LRRC56: variants seen among roughly 807,000 people sequenced by gnomAD.
LRRC56 encodes leucine-rich repeat-containing protein 56.
A neutral mutation model predicts 47.8 loss-of-function variants in LRRC56; 41 were observed. That is an observed-to-expected ratio of 0.86 (90% confidence interval 0.67 to 1.11). The LOEUF (loss-of-function observed/expected upper bound fraction) is 1.11, where lower values mean the gene tolerates loss of function less well. LRRC56 is among the 50% of genes most tolerant of loss of function. The pLI is 0.00. For synonymous variants in LRRC56, 387 were observed against 311.2 expected, an observed-to-expected ratio of 1.24 and a Z score of -2.56; for missense variants, 759 against 704.2, an observed-to-expected ratio of 1.08 and a Z score of -0.88.
At chr11:553,014 G>A (rs191760258) in intron 13 of LRRC56, among the ~76,000 whole-genome samples, 41 of 152,318 alleles carry the variant, frequency 2.7e-4, no homozygotes, top group African/African-American at 8.7e-4. Flanking sequence ...CAGAAAGAAG[G>A]AGCCACCCCA....
At chr11:511,621 T>C in the LRRC56 span, among the ~76,000 whole-genome samples, 2 of 152,238 alleles carry the variant, frequency 1.3e-5, no homozygotes, top group Admixed American at 6.5e-5. Context: ...GGTCTTGGCT[T>C]TGAGCCTCCA....
At chr11:518,885 G>A in the LRRC56 span, among the ~76,000 whole-genome samples, 4 of 144,996 alleles carry the variant, frequency 2.8e-5, no homozygotes, top group Non-Finnish European at 1.5e-5. Context: ...TCTGCCGGCC[G>A]CTCTGAGGGA....
chr11:539,964 G>T (rs1184866513), intron 3 of LRRC56, among the ~76,000 whole-genome samples: 1 of 152,180 alleles, frequency 6.6e-6, no homozygotes, highest in Admixed American at 6.5e-5. Flanking sequence ...CTTCCTCCTC[G>T]CCAGCTGGGT....
At chr11:533,573 G>A (rs200747280), upstream of LRRC56, 241 of 1,613,764 alleles carry the variant, frequency 1.5e-4, no homozygotes, top group Non-Finnish European at 2.0e-4. Flanking sequence ...CCAGCACCAT[G>A]GGCACGTCAT....
rs750978977 is a variant in LRRC56, at chr11:550,306, T to C, written c.624+34T>C. ...CCCGGGCACCCGGCCAGCATGTGCA[T>C]GGCCAGGAGAGGCTCCCTGTGGCTC... On this transcript the variant is annotated intron_variant, in intron 8 of 13. Coordinates refer to ENST00000270115, the MANE Select transcript of LRRC56 (RefSeq NM_198075.4). 8.8e-6 allele frequency: 13 copies of C among 1,484,694 alleles called. No individual in the cohort carries two copies. In the East Asian group the frequency reaches 2.0e-4, roughly 22 times the overall value. 92.0% of individuals were successfully genotyped at this position (1,484,694 alleles called of 1,614,324 possible).
At chr11:535,991 C>A (rs755802941), upstream of LRRC56, among the ~76,000 whole-genome samples, 1 of 152,134 alleles carries the variant, frequency 6.6e-6, no homozygotes, top group Non-Finnish European at 1.5e-5. Context: ...GGCTGGGATC[C>A]GCCGGGACCA....
upstream of LRRC56, chr11:534,085 A>T: frequency 8.6e-7 from 1 of 1,168,752 alleles, no homozygotes; most frequent in Non-Finnish European, 1.3e-6. Context: ...CCCCTCCTCT[A>T]GAGGAAGCAG....
the LRRC56 span, among the ~76,000 whole-genome samples, chr11:511,332 A>G: frequency 6.6e-6 from 1 of 151,948 alleles, no homozygotes; most frequent in African/African-American, 2.4e-5. Flanking sequence ...AAAAAAAAAA[A>G]AAAAAGAAAT....
At chr11:526,718 C>G in the LRRC56 span, among the ~76,000 whole-genome samples, 5 of 150,336 alleles carry the variant, frequency 3.3e-5, no homozygotes, top group African/African-American at 1.2e-4. Context: ...GGGTGGATCA[C>G]CTGAGGTCAG....
the LRRC56 span, among the ~76,000 whole-genome samples, chr11:518,339 G>C: frequency 6.6e-6 from 1 of 151,920 alleles, no homozygotes; most frequent in East Asian, 1.9e-4. Flanking sequence ...CCGCCACCAC[G>C]CCCAGCTAAT....
the LRRC56 span, among the ~76,000 whole-genome samples, chr11:510,874 A>G: frequency 1.3e-5 from 2 of 152,092 alleles, no homozygotes; most frequent in African/African-American, 2.4e-5. Context: ...ACACCACTGC[A>G]CTCCAGCCTG....
Position 554,177 on chromosome 11 carries a change from TCG to T in LRRC56, c.1531_1532del (p.Arg511SerfsTer16), listed in dbSNP as rs745645072. ...ALEVASRLSP[R>X]AQGCPGPKPA... ...TGGAGGTGGCCTCACGCCTGAGCCC[TCG>T]AGCCCAGGGATGTCCTGGCCCAAAG... On this transcript the variant is annotated frameshift_variant, in exon 14 of 14. Coordinates refer to ENST00000270115, the MANE Select transcript of LRRC56 (RefSeq NM_198075.4). LOFTEE classifies it low-confidence loss of function (END_TRUNC). 9 of 1,577,976 alleles carry T rather than the reference TCG, an allele frequency of 5.7e-6. No individual in the cohort carries two copies. The highest frequency in any genetic ancestry group is 1.3e-5 in the African/African-American group (1 of 74,244).
At chr11:546,083 C>T (rs1388549540) in intron 6 of LRRC56, among the ~76,000 whole-genome samples, 7 of 150,300 alleles carry the variant, frequency 4.7e-5, no homozygotes, top group Admixed American at 1.3e-4. Context: ...CCAGCCTGAC[C>T]AACATGGAGA....
chr11:551,030 G>A, intron 8 of LRRC56, 101 bp from the exon 9 acceptor site: 1 of 690,810 alleles, frequency 1.4e-6, no homozygotes, highest in Non-Finnish European at 2.3e-6. Context: ...CCCCTGCCCT[G>A]CCCCACGGTG....
chr11:536,627 C>T (rs1851506660), upstream of LRRC56, among the ~76,000 whole-genome samples: 1 of 152,152 alleles, frequency 6.6e-6, no homozygotes, highest in African/African-American at 2.4e-5. Context: ...AAAAATTAGT[C>T]GGCTGCAGTG....
chr11:551,924 G>A lies in LRRC56; in HGVS notation c.995G>A (p.Gly332Glu). 1 of 1,612,706 alleles carries A rather than the reference G, an allele frequency of 6.2e-7. No homozygotes were observed. The highest frequency in any genetic ancestry group is 8.5e-7 in the Non-Finnish European group (1 of 1,179,912). Residue 332 changes from glycine (G) to glutamate (E), a missense_variant, in exon 11 of 14, where the codon GGG (glycine) becomes GAG (glutamate). Physicochemically the swap from Gly to Glu is moderately conservative, Grantham distance 98. Coordinates refer to ENST00000270115, the MANE Select transcript of LRRC56 (RefSeq NM_198075.4). ...LTHGAGQVLC[G>E]NPTKGLRERR... ...GCAGGTGCTGGCCAAGTCCTCTGTGGGAACCCCACCAAGGGCCTGCGGGAG... is the reference window on the plus strand; with the variant it reads ...GCAGGTGCTGGCCAAGTCCTCTGTGAGAACCCCACCAAGGGCCTGCGGGAG...
the LRRC56 span, among the ~76,000 whole-genome samples, chr11:507,935 A>G: frequency 6.6e-6 from 1 of 151,968 alleles, no homozygotes; most frequent in African/African-American, 2.4e-5. Flanking sequence ...TGCTGCCGAC[A>G]CCCGAGCGTC....
At chr11:547,333 A>T (rs1199951295) in intron 6 of LRRC56, among the ~76,000 whole-genome samples, 1 of 151,934 alleles carries the variant, frequency 6.6e-6, no homozygotes, top group African/African-American at 2.4e-5. Context: ...TTTTAGCTTA[A>T]CAAATAAGCC....
chr11:526,131 T>C, the LRRC56 span, among the ~76,000 whole-genome samples: 1 of 150,992 alleles, frequency 6.6e-6, no homozygotes, highest in Non-Finnish European at 1.5e-5. Flanking sequence ...CGCTTGAAAC[T>C]GTGAGGCGGA....
Sources: gnomAD v4.1 joint callset for allele counts (sites outside exome capture counted in the v4.1 genomes callset) on GRCh38, gnomAD v4.1.1 for gene constraint, MANE v1.5 for transcripts, NCBI Gene and HGNC (gene_info 2026-07-23, HGNC 2026-07-21) for gene names.